CNTN4: variants seen among roughly 807,000 people sequenced by gnomAD.
The protein encoded by CNTN4 is contactin-4.
A neutral mutation model predicts 122.5 loss-of-function variants in CNTN4; 77 were observed. That is an observed-to-expected ratio of 0.63 (90% confidence interval 0.52 to 0.76). The LOEUF is 0.76. Ranked by LOEUF, CNTN4 falls within the 30% of genes least tolerant of loss-of-function variation. CNTN4 has a pLI of 0.00. For synonymous variants in CNTN4, 512 were observed against 447.0 expected (o/e 1.15, Z -1.83); for missense variants, 1,256 against 1,259.1 (o/e 1.00, Z 0.04).
At chr3:2,445,117 C>T (rs1222834099) in intron 3 of CNTN4, among the ~76,000 whole-genome samples, 2 of 152,000 alleles carry the variant, frequency 1.3e-5, no homozygotes, top group African/African-American at 4.8e-5. Flanking sequence ...ATTACTAATC[C>T]TGAAGGATAA....
intron 2 of CNTN4, among the ~76,000 whole-genome samples, chr3:2,135,379 C>T (rs916318782): frequency 1.3e-5 from 2 of 152,038 alleles, no homozygotes; most frequent in Non-Finnish European, 2.9e-5. Flanking sequence ...AAAGGTAGGG[C>T]CAATTTAACA....
At chr3:2,413,309 C>T (rs1291481535) in intron 3 of CNTN4, among the ~76,000 whole-genome samples, 1 of 152,184 alleles carries the variant, frequency 6.6e-6, no homozygotes, top group Non-Finnish European at 1.5e-5. Flanking sequence ...TCAAATCATT[C>T]TCAATCACTT....
intron 4 of CNTN4, among the ~76,000 whole-genome samples, chr3:2,623,231 A>AC (rs2082057581): frequency 6.8e-6 from 1 of 146,594 alleles, no homozygotes; most frequent in Admixed American, 6.8e-5. Context: ...ATGGAGACTA[A>AC]TTTTTTTTTT....
At chr3:2,242,302 A>G (rs1168264469) in intron 2 of CNTN4, among the ~76,000 whole-genome samples, 1 of 152,102 alleles carries the variant, frequency 6.6e-6, no homozygotes, top group Non-Finnish European at 1.5e-5. Flanking sequence ...ATATGCATTC[A>G]CGTGTTTCAT....
At chr3:2,886,404 A>G (rs2093979349) in intron 9 of CNTN4, among the ~76,000 whole-genome samples, 1 of 138,526 alleles carries the variant, frequency 7.2e-6, no homozygotes, top group African/African-American at 2.6e-5. Flanking sequence ...TCAAAATAAA[A>G]AAAAATATAT....
intron 4 of CNTN4, among the ~76,000 whole-genome samples, chr3:2,642,169 C>T (rs2082923464): frequency 6.6e-6 from 1 of 152,184 alleles, no homozygotes. Flanking sequence ...GTGCAGCCTT[C>T]AGTCTATGGT....
chr3:3,039,773 C>A, intron 19 of CNTN4: 3 of 447,598 alleles, frequency 6.7e-6, no homozygotes, highest in Admixed American at 3.4e-5. Context: ...CAATCATTTC[C>A]AACCATTTCA....
chr3:2,367,276 A>AAT (rs921182527), intron 3 of CNTN4, among the ~76,000 whole-genome samples: 1 of 152,226 alleles, frequency 6.6e-6, no homozygotes, highest in Non-Finnish European at 1.5e-5. Flanking sequence ...TGAGACTTGC[A>AAT]ATATATATAA....
intron 3 of CNTN4, among the ~76,000 whole-genome samples, chr3:2,360,142 G>A (rs537657224): frequency 6.6e-6 from 1 of 152,306 alleles, no homozygotes; most frequent in South Asian, 2.1e-4. Flanking sequence ...GAAGCATGAA[G>A]TAAATGGAAA....
chr3:3,039,081 G>A, intron 19 of CNTN4, 78 bp downstream of exon 19: 2 of 1,289,804 alleles, frequency 1.6e-6, no homozygotes, highest in Admixed American at 3.7e-5. Flanking sequence ...AGACATAGCT[G>A]GGAAGTTTCC....
chr3:2,956,869 C>T (rs565275730), intron 13 of CNTN4, among the ~76,000 whole-genome samples: 19 of 152,150 alleles, frequency 1.2e-4, no homozygotes, highest in Non-Finnish European at 2.1e-4. Flanking sequence ...TTAGATTTCA[C>T]ATGTAAGTGA....
chr3:2,854,276 T>TTTTC (rs1261522334), intron 7 of CNTN4, among the ~76,000 whole-genome samples: 3 of 142,590 alleles, frequency 2.1e-5, no homozygotes, highest in Non-Finnish European at 1.5e-5. Context: ...TTCTTTTTTT[T>TTTTC]TTTTTTTTTT....
chr3:2,879,604 T>C (rs1421227362), intron 8 of CNTN4, among the ~76,000 whole-genome samples: 1 of 151,452 alleles, frequency 6.6e-6, no homozygotes, highest in Admixed American at 6.6e-5. Flanking sequence ...AGACCACATA[T>C]TGCACAATTT....
chr3:2,811,507 C>T (rs1403434791), intron 6 of CNTN4, among the ~76,000 whole-genome samples: 1 of 151,006 alleles, frequency 6.6e-6, no homozygotes, highest in Non-Finnish European at 1.5e-5. Flanking sequence ...GTCGCCCAGG[C>T]TAGAGTGCAG....
At chr3:2,932,335 A>G (rs768354616) in intron 13 of CNTN4, among the ~76,000 whole-genome samples, 18 of 152,154 alleles carry the variant, frequency 1.2e-4, no homozygotes, top group Non-Finnish European at 2.2e-4. Flanking sequence ...CCGAGATTGC[A>G]CCACTGCACT....
chr3:2,285,159 A>C (rs907139005), intron 2 of CNTN4, among the ~76,000 whole-genome samples: 1 of 152,104 alleles, frequency 6.6e-6, no homozygotes, highest in Non-Finnish European at 1.5e-5. Flanking sequence ...ATTGTCAAAC[A>C]TGTAGAGATT....
intron 2 of CNTN4, chr3:2,238,735 G>GGTTTTTTTTTTTTTTTTT (rs2039779775): frequency 1.3e-5 from 1 of 78,868 alleles, no homozygotes. Flanking sequence ...TTGGCTCTGT[G>GGTTTTTTTTTTTTTTTTT]TTTTTTTTTT....
At chr3:2,456,591 G>C (rs1275631092) in intron 3 of CNTN4, among the ~76,000 whole-genome samples, 1 of 151,944 alleles carries the variant, frequency 6.6e-6, no homozygotes, top group Non-Finnish European at 1.5e-5. Context: ...ACCTATTCTG[G>C]ATATTTCGTA....
intron 4 of CNTN4, among the ~76,000 whole-genome samples, chr3:2,720,558 A>G (rs1576564850): frequency 6.6e-6 from 1 of 152,128 alleles, no homozygotes; most frequent in African/African-American, 2.4e-5. Context: ...GAGGCAAAAA[A>G]TTTGTGTCCA....
Sources: gnomAD v4.1 joint callset for allele counts (sites outside exome capture counted in the v4.1 genomes callset) on GRCh38, gnomAD v4.1.1 for gene constraint, MANE v1.5 for transcripts, NCBI Gene and HGNC (gene_info 2026-07-23, HGNC 2026-07-21) for gene names.